Variants in EXOC6B observed in about 807,000 individuals in gnomAD.
EXOC6B encodes the protein SEC15 homolog B.
Under a neutral mutation model 113.5 loss-of-function variants are expected in EXOC6B, and 54 were observed. That is an observed-to-expected ratio of 0.48 (90% CI 0.38 to 0.60). EXOC6B has a LOEUF of 0.60. Ranked by LOEUF, EXOC6B falls within the 20% of genes least tolerant of loss-of-function variation. The probability of loss-of-function intolerance (pLI) is 0.00; values close to 1 mark genes in which losing one functional copy is unlikely to be tolerated. For synonymous variants in EXOC6B, 357 were observed against 339.0 expected (o/e 1.05, Z -0.58); for missense variants, 797 against 977.5 (o/e 0.82, Z 2.46).
rs376212926 is a variant in EXOC6B, at chr2:72,604,537, G to T, written c.670-28869C>A. Among the ~76,000 whole-genome samples, 23 of 152,232 alleles carry T rather than the reference G, an allele frequency of 1.5e-4. 2 individuals carry two copies. The highest frequency in any genetic ancestry group is 4.6e-4 in the African/African-American group (19 of 41,544). The stretch of plus-strand genomic sequence containing the variant: ...CTTTCATTATTTCCACTTTATAGAA[G>T]AGGAAACTAAAGTTTAAAGAAGTGC... On this transcript the variant is annotated intron_variant, in intron 6 of 21. Transcript: ENST00000272427.
chr2:72,578,488 T>C (rs1705011150), intron 6 of EXOC6B, among the ~76,000 whole-genome samples: 1 of 152,108 alleles, frequency 6.6e-6, no homozygotes. Flanking sequence ...TACCTTTCCT[T>C]GCCTCAATCT....
At chr2:72,466,105 G>A (rs1346758591) in intron 17 of EXOC6B, among the ~76,000 whole-genome samples, 2 of 152,098 alleles carry the variant, frequency 1.3e-5, no homozygotes, top group East Asian at 3.9e-4. Context: ...AGAACTTTGG[G>A]AGGCCGAAGT....
chr2:72,627,739 G>A (rs1672148699), intron 6 of EXOC6B, among the ~76,000 whole-genome samples: 1 of 152,082 alleles, frequency 6.6e-6, no homozygotes. Flanking sequence ...GGTGCATTAG[G>A]TCAAGGTTAG....
intron 6 of EXOC6B, among the ~76,000 whole-genome samples, chr2:72,603,693 T>C (rs920961957): frequency 4.6e-5 from 7 of 152,164 alleles, no homozygotes; most frequent in Non-Finnish European, 7.3e-5. Flanking sequence ...GCTTCAGCCA[T>C]CATTTCCTTG....
chr2:72,395,352 C>T (rs1692657435), intron 18 of EXOC6B, among the ~76,000 whole-genome samples: 1 of 152,074 alleles, frequency 6.6e-6, no homozygotes, highest in African/African-American at 2.4e-5. Flanking sequence ...TTACTCAGTC[C>T]CTAACTGGTC....
chr2:72,641,635 G>A (rs1334573702), intron 6 of EXOC6B, among the ~76,000 whole-genome samples: 1 of 152,230 alleles, frequency 6.6e-6, no homozygotes. Flanking sequence ...CTGGGAGCAG[G>A]GCATAGCTGA....
chr2:72,325,943 T>C (rs1688102479), intron 20 of EXOC6B, among the ~76,000 whole-genome samples: 1 of 152,048 alleles, frequency 6.6e-6, no homozygotes, highest in Non-Finnish European at 1.5e-5. Context: ...GGTAGTTAAT[T>C]CTTTTATAGC....
At chr2:72,342,770 T>TCAACAA (rs923553463) in intron 19 of EXOC6B, among the ~76,000 whole-genome samples, 3 of 151,136 alleles carry the variant, frequency 2.0e-5, no homozygotes, top group African/African-American at 4.9e-5. Flanking sequence ...TCTGAAAATA[T>TCAACAA]CAACAACAAC....
chr2:72,575,813 C>A lies in EXOC6B; in HGVS notation c.670-145G>T, dbSNP rs1364108418. ...ACAAATTGATATCTTAACGAAAATACTACAACAAAAGGCCTTAGTACATAA... is the reference window on the plus strand; with the variant it reads ...ACAAATTGATATCTTAACGAAAATAATACAACAAAAGGCCTTAGTACATAA... On this transcript the variant is annotated intron_variant, in intron 6 of 21. Coordinates refer to ENST00000272427, the MANE Select transcript of EXOC6B (RefSeq NM_015189.3). 4.4e-6 allele frequency: 3 copies of A among 678,994 alleles called. No homozygotes were observed. The Admixed American group carries it at 1.2e-4, about 27-fold the overall frequency. The allele number at this position is 678,994 out of a possible 1,614,324, so 42.1% of individuals were successfully genotyped here. A position where few individuals can be genotyped will look rare whatever the true frequency, so the allele number is the denominator to read the frequency against.
At chr2:72,653,199 A>G (rs1243466806) in intron 6 of EXOC6B, among the ~76,000 whole-genome samples, 1 of 151,420 alleles carries the variant, frequency 6.6e-6, no homozygotes, top group African/African-American at 2.4e-5. Flanking sequence ...AATGTGGCAC[A>G]TATACACCAT....
intron 11 of EXOC6B, among the ~76,000 whole-genome samples, chr2:72,508,988 C>T (rs1402495461): frequency 1.3e-5 from 2 of 151,982 alleles, no homozygotes; most frequent in Non-Finnish European, 2.9e-5. Flanking sequence ...ACTGTTGTTT[C>T]TGCCCCCAAA....
At chr2:72,735,708 T>C (rs1680904174) in intron 2 of EXOC6B, among the ~76,000 whole-genome samples, 1 of 151,418 alleles carries the variant, frequency 6.6e-6, no homozygotes, top group African/African-American at 2.4e-5. Flanking sequence ...CCCAGCTACT[T>C]GGGAGGCTGA....
At chr2:72,724,686 A>G (rs1421527233) in intron 5 of EXOC6B, among the ~76,000 whole-genome samples, 1 of 152,226 alleles carries the variant, frequency 6.6e-6, no homozygotes, top group Non-Finnish European at 1.5e-5. Context: ...CAATTAGAAC[A>G]ATGTACATGT....
At chr2:72,689,914 T>TA (rs756266787) in intron 6 of EXOC6B, among the ~76,000 whole-genome samples, 15 of 152,224 alleles carry the variant, frequency 9.9e-5, no homozygotes, top group African/African-American at 1.2e-4. Context: ...CAGCTATGAC[T>TA]AAGCCAAGAC....
In EXOC6B at chr2:72,264,573, C is replaced by G. The variant is rs564981376; in HGVS notation, c.2196+70374G>C. The stretch of plus-strand genomic sequence containing the variant: ...GTGACGAGCGAAATTCTGCCTCAAA[C>G]AAAAACAAAAACACCAACAACATAT... On this transcript the variant is annotated intron_variant, in intron 20 of 21. Transcript: ENST00000272427. Among the ~76,000 whole-genome samples, 86 of 152,090 alleles carry G rather than the reference C, an allele frequency of 5.7e-4. 1 individual carries two copies. In the South Asian group the frequency reaches 0.018, roughly 31 times the overall value.
intron 18 of EXOC6B, among the ~76,000 whole-genome samples, chr2:72,437,403 T>C (rs1329777889): frequency 5.3e-5 from 8 of 152,226 alleles, no homozygotes; most frequent in Admixed American, 4.6e-4. Flanking sequence ...AGGCAGTCTG[T>C]TCCGTAGCAG....
At chr2:72,508,267 CA>C (rs1197858105) in intron 11 of EXOC6B, among the ~76,000 whole-genome samples, 1 of 143,358 alleles carries the variant, frequency 7.0e-6, no homozygotes, top group Non-Finnish European at 1.5e-5. Context: ...AACAAAAATA[CA>C]TATCTTCTTT....
intron 6 of EXOC6B, among the ~76,000 whole-genome samples, chr2:72,604,733 C>T (rs564516630): frequency 2.2e-4 from 33 of 152,192 alleles, no homozygotes; most frequent in African/African-American, 7.0e-4. Flanking sequence ...TGAGTCTGGT[C>T]CATACTATGA....
intron 20 of EXOC6B, among the ~76,000 whole-genome samples, chr2:72,192,443 G>T (rs1046214098): frequency 3.3e-5 from 5 of 152,160 alleles, no homozygotes; most frequent in African/African-American, 1.2e-4. Flanking sequence ...CCTATGACAG[G>T]TGAGTGGGAA....
Sources: allele counts gnomAD v4.1 joint callset (sites outside exome capture counted in the v4.1 genomes callset), GRCh38; gene constraint gnomAD v4.1.1; transcripts MANE v1.5; gene names NCBI Gene and HGNC (gene_info 2026-07-23, HGNC 2026-07-21).